The following CGNL1 variants were observed in gnomAD, a reference collection of about 807,000 sequenced individuals.
CGNL1 encodes the protein cingulin-like protein 1.
Under a neutral mutation model 141.2 loss-of-function variants are expected in CGNL1, and 132 were observed. The ratio of observed to expected loss-of-function variants is 0.93; its 90% CI spans 0.81 to 1.08. The LOEUF (loss-of-function observed/expected upper bound fraction) is 1.08. Ranked by LOEUF, CGNL1 falls within the 50% of genes least tolerant of loss-of-function variation. The pLI is 0.00. For synonymous variants in CGNL1, 690 were observed against 622.1 expected, an observed-to-expected ratio of 1.11 and a Z score of -1.63; for missense variants, 1,870 against 1,588.6, an observed-to-expected ratio of 1.18 and a Z score of -3.01.
intron 4 of CGNL1, among the ~76,000 whole-genome samples, chr15:57,446,713 AAT>A (rs2063257448): frequency 1.4e-5 from 2 of 147,562 alleles, no homozygotes; most frequent in Admixed American, 6.9e-5. Context: ...TTCTCTTGAG[AAT>A]ATATCTGAGA....
At chr15:57,451,372 A>T in intron 4 of CGNL1, 128 bp from the exon 5 acceptor site, 1 of 646,328 alleles carries the variant, frequency 1.5e-6, no homozygotes, top group Non-Finnish European at 2.6e-6. Context: ...TTGATGTTTG[A>T]ATTGGGTCTT....
At chr15:57,463,849 C>T (rs1205256227) in intron 8 of CGNL1, among the ~76,000 whole-genome samples, 2 of 152,166 alleles carry the variant, frequency 1.3e-5, no homozygotes, top group African/African-American at 4.8e-5. Flanking sequence ...CTGTTGTCCT[C>T]CTGCAAGAAT....
At chr15:57,417,747 C>G (rs1454730181) in intron 1 of CGNL1, among the ~76,000 whole-genome samples, 2 of 151,998 alleles carry the variant, frequency 1.3e-5, no homozygotes, top group African/African-American at 4.8e-5. Context: ...CCAATATAGC[C>G]CCTGTTCTCA....
intron 14 of CGNL1, among the ~76,000 whole-genome samples, chr15:57,535,032 C>A (rs1474800226): frequency 2.6e-5 from 4 of 152,180 alleles, no homozygotes; most frequent in African/African-American, 4.8e-5. Context: ...GAATGGCCAA[C>A]CCCTCTCATA....
chr15:57,518,584 G>A (rs1486659178), intron 10 of CGNL1, 87 bp downstream of exon 10: 10 of 902,478 alleles, frequency 1.1e-5, no homozygotes, highest in African/African-American at 1.7e-5. Context: ...ATTGTCCTTG[G>A]CCCTCTCTTT....
rs763733487 is a variant in CGNL1, at chr15:57,543,736, C to T, written c.3332C>T (p.Ala1111Val). Reference sequence around the variant, plus strand: ...AATGAGCTACTTCAGGAGAGAGCTGCGAGACAAGACTTGGAGTGCGACAAG... The same window carrying T: ...AATGAGCTACTTCAGGAGAGAGCTGTGAGACAAGACTTGGAGTGCGACAAG... ...LRNELLQERA[A>V]RQDLECDKIS... The change falls in exon 15 of 19, where the codon GCG becomes GTG. Residue 1111 changes from alanine to valine, a missense_variant. By Grantham distance (64) the Ala-to-Val change is moderately conservative (BLOSUM62 0). Transcript: ENST00000281282. The T allele has an allele frequency of 2.5e-6, 4 of 1,613,948 alleles. No individual in the cohort carries two copies. Among genetic ancestry groups the T allele is most frequent in the Non-Finnish European group, 3.4e-6 (4 of 1,179,930 alleles).
chr15:57,528,657 C>G lies in CGNL1; in HGVS notation c.3043C>G (p.Arg1015Gly), dbSNP rs138103109. The G allele has an allele frequency of 6.2e-6, 10 of 1,613,692 alleles. No individual in the cohort carries two copies. Among genetic ancestry groups the G allele is most frequent in the Non-Finnish European group, 8.5e-7 (1 of 1,179,868 alleles). ...LTAMKMQDEM[R>G]LMEEELRDYQ... Reference sequence around the variant, plus strand: ...TCCCAGCTGTCTCTCCTCCTAGATGCGTCTGATGGAGGAAGAGTTACGGGA... The same window carrying G: ...TCCCAGCTGTCTCTCCTCCTAGATGGGTCTGATGGAGGAAGAGTTACGGGA... The change falls in exon 13 of 19, where the codon CGT (arginine) becomes GGT (glycine). Residue 1015 changes from arginine to glycine, a missense_variant. Physicochemically the swap from Arg to Gly is moderately radical, Grantham distance 125. Transcript: ENST00000281282.
chr15:57,406,912 A>G (rs1263351367), intron 1 of CGNL1: 1 of 152,254 alleles, frequency 6.6e-6, no homozygotes, highest in Non-Finnish European at 1.5e-5. Context: ...GACCCGTACA[A>G]TCAGTTTAAG....
intron 1 of CGNL1, among the ~76,000 whole-genome samples, chr15:57,394,761 G>C (rs1183262322): frequency 6.6e-6 from 1 of 152,150 alleles, no homozygotes; most frequent in Non-Finnish European, 1.5e-5. Flanking sequence ...TATATGATCT[G>C]AGCCCCTTGC....
rs1395414782 is a variant in CGNL1 at position 57,489,403 on chromosome 15, T to A, written c.2404-27377T>A. Among the ~76,000 whole-genome samples, 5 of 152,312 alleles carry A rather than the reference T, an allele frequency of 3.3e-5. No individual in the cohort carries two copies. The South Asian group carries it at 1.0e-3, about 32-fold the overall frequency. On this transcript the variant is annotated intron_variant, in intron 8 of 18. Coordinates refer to ENST00000281282, the MANE Select transcript of CGNL1 (RefSeq NM_032866.5). ...TAATTCTGCTTTTACTAGTTTAAAA[T>A]TAAAATATTTAAATTTGAATGGTAG...
chr15:57,490,975 G>C (rs1225550339), intron 8 of CGNL1, among the ~76,000 whole-genome samples: 1 of 152,102 alleles, frequency 6.6e-6, no homozygotes, highest in African/African-American at 2.4e-5. Context: ...AACTGTTACA[G>C]TCATCAAAAC....
intron 8 of CGNL1, chr15:57,478,405 G>A (rs1432664761): frequency 1.3e-5 from 2 of 152,220 alleles, no homozygotes; most frequent in African/African-American, 4.8e-5. Context: ...TGCATCTGGT[G>A]CTGCGAGAAG....
intron 8 of CGNL1, among the ~76,000 whole-genome samples, chr15:57,482,660 G>A (rs1403966068): frequency 1.3e-5 from 2 of 152,102 alleles, no homozygotes; most frequent in African/African-American, 2.4e-5. Context: ...CCCTCTACCA[G>A]TATCACATAG....
At chr15:57,470,633 T>G (rs1455959451) in intron 8 of CGNL1, among the ~76,000 whole-genome samples, 1 of 152,218 alleles carries the variant, frequency 6.6e-6, no homozygotes, top group Non-Finnish European at 1.5e-5. Context: ...TCTTTAGATA[T>G]GCGGATTCAT....
chr15:57,380,756 G>A (rs2062415707), intron 1 of CGNL1, among the ~76,000 whole-genome samples: 1 of 152,268 alleles, frequency 6.6e-6, no homozygotes, highest in Non-Finnish European at 1.5e-5. Context: ...TACTGAACAG[G>A]GGTACTTCCT....
intron 1 of CGNL1, among the ~76,000 whole-genome samples, chr15:57,426,506 G>T (rs1178069853): frequency 6.7e-6 from 1 of 149,862 alleles, no homozygotes; most frequent in Non-Finnish European, 1.5e-5. Flanking sequence ...GATTATAGTA[G>T]TGCAATCATG....
At chr15:57,484,740 C>T (rs774920319) in intron 8 of CGNL1, among the ~76,000 whole-genome samples, 29 of 152,136 alleles carry the variant, frequency 1.9e-4, no homozygotes, top group Non-Finnish European at 3.4e-4. Context: ...TGACAGGCCC[C>T]GGTGTGTGAT....
intron 1 of CGNL1, among the ~76,000 whole-genome samples, chr15:57,399,515 A>G (rs2062636528): frequency 6.7e-6 from 1 of 149,396 alleles, no homozygotes; most frequent in African/African-American, 2.4e-5. Context: ...GCCAGGCTTA[A>G]TCACCTGAAG....
Position 57,438,767 on chromosome 15 carries a change from C to T in CGNL1, c.768C>T (p.Pro256=). The change falls in exon 2 of 19, where the codon CCC becomes CCT. Residue 256 remains proline, a synonymous_variant. Coordinates refer to ENST00000281282, the MANE Select transcript of CGNL1 (RefSeq NM_032866.5). ...AGGCCCTTTTCACTAGCGGGAGGCC[C>T]CTGACTGCCCACAGCCCACATGCCC... ...GEEALFTSGR[P]LTAHSPHAHP... is the part of the protein sequence containing the mutation. 1.9e-6 allele frequency: 3 copies of T among 1,614,124 alleles called. No homozygotes were observed. The highest frequency in any genetic ancestry group is 2.5e-6 in the Non-Finnish European group (3 of 1,180,016).
Sources: allele counts gnomAD v4.1 joint callset (sites outside exome capture counted in the v4.1 genomes callset), GRCh38; gene constraint gnomAD v4.1.1; transcripts MANE v1.5; gene names NCBI Gene and HGNC (gene_info 2026-07-23, HGNC 2026-07-21).